PRKD3: variants seen among roughly 807,000 people sequenced by gnomAD.
PRKD3 encodes protein kinase D3.
A neutral mutation model predicts 99.2 loss-of-function variants in PRKD3; 47 were observed. That is an observed-to-expected ratio of 0.47 (90% CI 0.38 to 0.60). PRKD3 has a LOEUF of 0.60. Ranked by LOEUF, PRKD3 falls within the 20% of genes least tolerant of loss-of-function variation. The pLI is 0.00. For missense variants in PRKD3, 1,019 were observed against 1,088.4 expected (o/e 0.94, Z 0.90); for synonymous variants, 392 against 355.4 (o/e 1.10, Z -1.16).
intron 2 of PRKD3, among the ~76,000 whole-genome samples, chr2:37,311,726 T>A (rs942528030): frequency 6.6e-6 from 1 of 152,192 alleles, no homozygotes. Flanking sequence ...ATTTCAATAT[T>A]TGAAAAAATG....
intron 2 of PRKD3, among the ~76,000 whole-genome samples, chr2:37,301,643 G>A (rs1384918726): frequency 6.6e-6 from 1 of 152,084 alleles, no homozygotes; most frequent in African/African-American, 2.4e-5. Flanking sequence ...AGTCAAAAGG[G>A]GCGGGGGCAG....
intron 16 of PRKD3, among the ~76,000 whole-genome samples, chr2:37,257,639 C>T (rs1443315209): frequency 7.3e-6 from 1 of 136,814 alleles, no homozygotes; most frequent in Non-Finnish European, 1.5e-5. Flanking sequence ...GCAATCCAGC[C>T]TGGGCGACAG....
At chr2:37,257,079 A>T in intron 16 of PRKD3, 150 bp from the exon 17 acceptor site, 1 of 941,930 alleles carries the variant, frequency 1.1e-6, no homozygotes, top group Non-Finnish European at 1.6e-6. Context: ...ATTGTAAAAT[A>T]TCCTTTTCTC....
At chr2:37,303,028 C>A (rs191119280) in intron 2 of PRKD3, among the ~76,000 whole-genome samples, 1 of 152,268 alleles carries the variant, frequency 6.6e-6, no homozygotes, top group South Asian at 2.1e-4. Context: ...GCCGGCCCCA[C>A]GGCCCAACCC....
intron 6 of PRKD3, among the ~76,000 whole-genome samples, chr2:37,284,623 T>C (rs1246668500): frequency 6.6e-6 from 1 of 152,216 alleles, no homozygotes; most frequent in Non-Finnish European, 1.5e-5. Context: ...TTTTAAAGTA[T>C]TAATTTATGT....
At chr2:37,253,600 T>A (rs967909155) in intron 18 of PRKD3, among the ~76,000 whole-genome samples, 1 of 152,208 alleles carries the variant, frequency 6.6e-6, no homozygotes. Flanking sequence ...AAAAATTTGC[T>A]TCAGGCTTCT....
chr2:37,307,451 T>C (rs1671215022), intron 2 of PRKD3, among the ~76,000 whole-genome samples: 1 of 152,204 alleles, frequency 6.6e-6, no homozygotes, highest in Non-Finnish European at 1.5e-5. Flanking sequence ...AGGCACCGGA[T>C]ATATGAAACA....
At chr2:37,268,144 A>G in intron 13 of PRKD3, 2 of 354,300 alleles carry the variant, frequency 5.6e-6, no homozygotes, top group Admixed American at 4.0e-5. Flanking sequence ...AATGACAGGT[A>G]TATTTTTGGT....
chr2:37,296,424 G>C (rs1670675329), intron 2 of PRKD3, among the ~76,000 whole-genome samples: 1 of 151,996 alleles, frequency 6.6e-6, no homozygotes, highest in Non-Finnish European at 1.5e-5. Flanking sequence ...AGGCTAGAAA[G>C]CTGTTGGTAA....
chr2:37,290,118 T>C (rs78741807), intron 4 of PRKD3, among the ~76,000 whole-genome samples: 5 of 152,324 alleles, frequency 3.3e-5, no homozygotes, highest in East Asian at 3.9e-4. Context: ...ACAGAAAAAG[T>C]TGATTGACCC....
rs1314337357 is a variant in PRKD3 at position 37,269,798 on chromosome 2, A to C, written c.1705-111T>G. The C allele has an allele frequency of 6.5e-6, 5 of 768,528 alleles. No individual in the cohort carries two copies. The East Asian group carries it at 8.1e-5, about 12-fold the overall frequency. 47.6% of individuals were successfully genotyped at this position (768,528 alleles called of 1,614,324 possible). Reference sequence around the variant, plus strand: ...ATACATTTTTATGTTAGAAGCAGCTAATTTCCATAAAGTGCAAACTATTTT... The same window carrying C: ...ATACATTTTTATGTTAGAAGCAGCTCATTTCCATAAAGTGCAAACTATTTT... On this transcript the variant is annotated intron_variant, in intron 12 of 18. Coordinates refer to ENST00000234179, the MANE Select transcript of PRKD3 (RefSeq NM_005813.6).
intron 10 of PRKD3, among the ~76,000 whole-genome samples, chr2:37,275,166 A>G (rs926655247): frequency 2.0e-5 from 3 of 151,486 alleles, no homozygotes; most frequent in Non-Finnish European, 4.4e-5. Flanking sequence ...AGCAATCATT[A>G]TATTTTTAGT....
rs187587812 is a variant in PRKD3 at position 37,286,265 on chromosome 2, A to C, written c.822T>G (p.Phe274Leu). Residue 274 changes from phenylalanine (F) to leucine (L), a missense_variant, in exon 6 of 19, where the codon TTT becomes TTG. Phe to Leu is a conservative substitution (Grantham distance 22, BLOSUM62 0). Around this residue, in one of 3 missense-constraint regions of PRKD3, gnomAD observed 710 missense variants for 692.7 expected, o/e 1.02. Coordinates refer to ENST00000234179, the MANE Select transcript of PRKD3 (RefSeq NM_005813.6). ...VMCRVKVPHT[F>L]AVHSYTRPTI... ...TGGGACGGGTGTAAGAGTGAACAGC[A>C]AATGTGTGTGGAACTTTCACTCTGC... is the stretch of plus-strand genomic sequence containing the variant. 73 of 1,614,132 alleles carry C rather than the reference A, an allele frequency of 4.5e-5. No homozygotes were observed. In the East Asian group the frequency reaches 1.5e-3, roughly 34 times the overall value.
chr2:37,324,165 G>A, intron 1 of PRKD3: 6 of 985,274 alleles, frequency 6.1e-6, no homozygotes, highest in Non-Finnish European at 7.2e-6. Flanking sequence ...ACTGGGGCGA[G>A]GGGCTTACAT....
chr2:37,291,139 T>A (rs1351225010), intron 3 of PRKD3, 140 bp from the exon 4 acceptor site: 1 of 745,208 alleles, frequency 1.3e-6, no homozygotes, highest in East Asian at 3.1e-5. Context: ...AGTAAATTAT[T>A]TAATATTGTG....
chr2:37,311,438 T>C (rs1671420883), intron 2 of PRKD3, among the ~76,000 whole-genome samples: 1 of 152,200 alleles, frequency 6.6e-6, no homozygotes, highest in Non-Finnish European at 1.5e-5. Flanking sequence ...CACAGTTATC[T>C]AGCACAGTGA....
At chr2:37,261,742 T>C (rs2148500490) in intron 14 of PRKD3, among the ~76,000 whole-genome samples, 1 of 152,324 alleles carries the variant, frequency 6.6e-6, no homozygotes, top group East Asian at 1.9e-4. Flanking sequence ...ATTGCGCCAT[T>C]GCACTCTAGC....
intron 5 of PRKD3, among the ~76,000 whole-genome samples, chr2:37,288,652 T>C (rs1224589903): frequency 6.6e-6 from 1 of 152,118 alleles, no homozygotes; most frequent in Non-Finnish European, 1.5e-5. Context: ...GGAAAAAAAA[T>C]CACTGATTTA....
intron 2 of PRKD3, among the ~76,000 whole-genome samples, chr2:37,294,966 T>G (rs1670609207): frequency 6.6e-6 from 1 of 152,130 alleles, no homozygotes; most frequent in Admixed American, 6.5e-5. Flanking sequence ...TCCCAGCTAC[T>G]TGGGAGGCTG....
Sources: allele counts gnomAD v4.1 joint callset (sites outside exome capture counted in the v4.1 genomes callset), GRCh38; gene constraint gnomAD v4.1.1; regional missense constraint gnomAD v4.1.1; transcripts MANE v1.5; gene names NCBI Gene and HGNC (gene_info 2026-07-23, HGNC 2026-07-21).